The following ETV6 variants were observed in gnomAD, a reference collection of about 807,000 sequenced individuals.
ETV6 encodes the protein ETS variant transcription factor 6, also known as transcription factor ETV6.
In ETV6, 16 loss-of-function variants were observed where a neutral mutation model predicts 51.1. The observed-to-expected ratio is 0.31, with a 90% confidence interval of 0.21 to 0.48. The LOEUF (loss-of-function observed/expected upper bound fraction) is 0.48, where lower values mean the gene tolerates loss of function less well. Among genes scored for constraint, ETV6 ranks in the 20% least tolerant of loss-of-function variants. The probability of loss-of-function intolerance (pLI) is 0.99; values close to 1 mark genes in which losing one functional copy is unlikely to be tolerated. For synonymous variants in ETV6, 240 were observed against 224.1 expected (o/e 1.07, Z -0.64); for missense variants, 458 against 594.8 (o/e 0.77, Z 2.39).
At chr12:11,768,344 A>G (rs1467247433) in intron 2 of ETV6, among the ~76,000 whole-genome samples, 1 of 152,176 alleles carries the variant, frequency 6.6e-6, no homozygotes, top group East Asian at 1.9e-4. Context: ...TGCTTTAATA[A>G]ATTTCCTCAT....
chr12:11,770,398 T>C (rs1365878157), intron 2 of ETV6, among the ~76,000 whole-genome samples: 1 of 152,030 alleles, frequency 6.6e-6, no homozygotes, highest in Non-Finnish European at 1.5e-5. Context: ...GGGTTGCCTA[T>C]GCCCATGTTA....
intron 1 of ETV6, among the ~76,000 whole-genome samples, chr12:11,713,377 G>A (rs1394366323): frequency 6.6e-6 from 1 of 152,118 alleles, no homozygotes; most frequent in African/African-American, 2.4e-5. Flanking sequence ...TAGACTTTCC[G>A]TTAAGATTAG....
intron 2 of ETV6, among the ~76,000 whole-genome samples, chr12:11,779,652 C>CTA (rs1945383097): frequency 6.6e-6 from 1 of 152,172 alleles, no homozygotes; most frequent in South Asian, 2.1e-4. Context: ...AAAAATTCCC[C>CTA]TAGAGTTGTT....
intron 5 of ETV6, among the ~76,000 whole-genome samples, chr12:11,883,213 C>T (rs571476146): frequency 1.3e-5 from 2 of 151,016 alleles, no homozygotes; most frequent in South Asian, 4.2e-4. Context: ...GGCAACCACA[C>T]ACCTTCACAG....
intron 2 of ETV6, among the ~76,000 whole-genome samples, chr12:11,773,993 C>T (rs1041693978): frequency 2.0e-5 from 3 of 152,114 alleles, no homozygotes; most frequent in Admixed American, 6.6e-5. Context: ...GAGAGTGAAG[C>T]GGGCAGAGAC....
chr12:11,740,931 C>T (rs74060834), intron 1 of ETV6, among the ~76,000 whole-genome samples: 7,783 of 152,184 alleles, frequency 0.051, 645 homozygotes, highest in African/African-American at 0.18. Flanking sequence ...GCCCTTCAAC[C>T]TCAATTTCTA....
chr12:11,791,909 G>A (rs1369304390), intron 2 of ETV6, among the ~76,000 whole-genome samples: 1 of 152,108 alleles, frequency 6.6e-6, no homozygotes, highest in African/African-American at 2.4e-5. Context: ...AATCTTCAGG[G>A]TGGGTGCAGT....
chr12:11,835,035 T>A (rs1047596093), intron 2 of ETV6, among the ~76,000 whole-genome samples: 5 of 152,108 alleles, frequency 3.3e-5, no homozygotes, highest in Non-Finnish European at 7.4e-5. Context: ...TGAAACAGGG[T>A]CAAAATGTAC....
chr12:11,651,021 G>T (rs1863896640), intron 1 of ETV6, among the ~76,000 whole-genome samples: 1 of 152,182 alleles, frequency 6.6e-6, no homozygotes. Context: ...TAAAGACTGT[G>T]GTGCTGCGGT....
intron 1 of ETV6, among the ~76,000 whole-genome samples, chr12:11,718,215 C>T (rs991709296): frequency 2.6e-5 from 4 of 152,142 alleles, no homozygotes; most frequent in African/African-American, 4.8e-5. Flanking sequence ...TGTCTTGCCC[C>T]GTTCCAGGAA....
chr12:11,796,447 A>G (rs1449020774), intron 2 of ETV6, among the ~76,000 whole-genome samples: 1 of 152,234 alleles, frequency 6.6e-6, no homozygotes, highest in African/African-American at 2.4e-5. Flanking sequence ...CAGGGTCATC[A>G]AGCTTGTCAA....
At chr12:11,710,365 C>T (rs1865152015) in intron 1 of ETV6, among the ~76,000 whole-genome samples, 1 of 152,150 alleles carries the variant, frequency 6.6e-6, no homozygotes, top group African/African-American at 2.4e-5. Flanking sequence ...CTCCTGTCTC[C>T]TCAGATGTCA....
chr12:11,665,280 T>C (rs888576127), intron 1 of ETV6, among the ~76,000 whole-genome samples: 1 of 152,256 alleles, frequency 6.6e-6, no homozygotes, highest in Admixed American at 6.5e-5. Context: ...ATTATAGGCA[T>C]GAGCCACTAT....
At position 11,667,696 on chromosome 12, in the gene ETV6, A is replaced by ATTTT. The variant is rs34458275; in HGVS notation, c.33+17557_33+17560dup. On this transcript the variant is annotated intron_variant, in intron 1 of 7. Transcript: ENST00000396373. The stretch of plus-strand genomic sequence containing the variant: ...AGGTGTGTGCCACGATACCTGGCTA[A>ATTTT]TTTTTTTTTTTTTTTTTTTTTTTTG... Among the ~76,000 whole-genome samples the ATTTT allele has an allele frequency of 3.9e-3, 288 of 72,962 alleles. 7 individuals carry two copies. Among genetic ancestry groups the ATTTT allele is most frequent in the East Asian group, 6.8e-3 (15 of 2,200 alleles). 47.9% of individuals were successfully genotyped at this position (72,962 alleles called of 152,430 possible).
intron 1 of ETV6, among the ~76,000 whole-genome samples, chr12:11,674,388 G>A (rs1439325978): frequency 1.3e-5 from 2 of 152,070 alleles, no homozygotes; most frequent in South Asian, 2.1e-4. Flanking sequence ...TTTCTTTTAT[G>A]TGCAGTTTTC....
At chr12:11,653,367 G>T (rs1167356262) in intron 1 of ETV6, among the ~76,000 whole-genome samples, 1 of 152,150 alleles carries the variant, frequency 6.6e-6, no homozygotes, top group African/African-American at 2.4e-5. Context: ...AGTGGGCCAG[G>T]ACTAACCAGA....
At chr12:11,801,933 C>T (rs565124526) in intron 2 of ETV6, among the ~76,000 whole-genome samples, 4 of 152,306 alleles carry the variant, frequency 2.6e-5, no homozygotes, top group South Asian at 4.1e-4. Context: ...GCCCTCAACC[C>T]CTGCTACCTT....
At chr12:11,851,009 G>A (rs999716799) in intron 3 of ETV6, among the ~76,000 whole-genome samples, 29 of 152,116 alleles carry the variant, frequency 1.9e-4, no homozygotes, top group Admixed American at 7.2e-4. Context: ...CTGGAGGTCG[G>A]TGTTATTATT....
chr12:11,778,145 G>A (rs1356771728), intron 2 of ETV6, among the ~76,000 whole-genome samples: 1 of 152,206 alleles, frequency 6.6e-6, no homozygotes, highest in Admixed American at 6.5e-5. Context: ...TCTCAGGGTC[G>A]CAGTTTCCTC....
Sources: gnomAD v4.1 joint callset for allele counts (sites outside exome capture counted in the v4.1 genomes callset) on GRCh38, gnomAD v4.1.1 for gene constraint, MANE v1.5 for transcripts, NCBI Gene and HGNC (gene_info 2026-07-23, HGNC 2026-07-21) for gene names.